Variants in GREB1L observed in about 807,000 individuals in gnomAD.
GREB1L encodes GREB1-like protein.
A neutral mutation model predicts 200.8 loss-of-function variants in GREB1L; 17 were observed. The ratio of observed to expected loss-of-function variants is 0.08; its 90% CI spans 0.06 to 0.13. The LOEUF is 0.13. Among genes scored for constraint, GREB1L ranks in the 10% least tolerant of loss-of-function variants. The pLI is 1.00. For missense variants in GREB1L, 1,657 were observed against 2,367.7 expected (o/e 0.70, Z 6.23); for synonymous variants, 789 against 893.0 (o/e 0.88, Z 2.08).
chr18:21,522,492 A>G (rs954542312), intron 32 of GREB1L, among the ~76,000 whole-genome samples, 166 bp from the exon 33 acceptor site: 1 of 152,192 alleles, frequency 6.6e-6, no homozygotes, highest in African/African-American at 2.4e-5. Context: ...AACAAAAAAA[A>G]TTACTGAATT....
chr18:21,448,188 A>G (rs2034335545), intron 11 of GREB1L, among the ~76,000 whole-genome samples: 1 of 149,886 alleles, frequency 6.7e-6, no homozygotes, highest in Admixed American at 6.6e-5. Context: ...CAGCAGCAGC[A>G]TAGAAGAAAC....
chr18:21,315,383 G>A (rs747956438), intron 1 of GREB1L, among the ~76,000 whole-genome samples: 1 of 152,132 alleles, frequency 6.6e-6, no homozygotes, highest in East Asian at 1.9e-4. Context: ...GAGCTACCAC[G>A]CCCAGCTTAG....
At chr18:21,377,127 A>G (rs1374138460) in intron 2 of GREB1L, among the ~76,000 whole-genome samples, 1 of 152,050 alleles carries the variant, frequency 6.6e-6, no homozygotes, top group Non-Finnish European at 1.5e-5. Flanking sequence ...AACCACCACA[A>G]CATTGTGGTT....
At chr18:21,296,395 T>TA (rs2038528132) in intron 1 of GREB1L, among the ~76,000 whole-genome samples, 1 of 152,060 alleles carries the variant, frequency 6.6e-6, no homozygotes, top group South Asian at 2.1e-4. Context: ...CACACAGACA[T>TA]AAAGATGGAA....
chr18:21,259,982 A>T (rs1354985560), intron 1 of GREB1L, among the ~76,000 whole-genome samples: 2 of 151,826 alleles, frequency 1.3e-5, no homozygotes. Context: ...TGTTCTTTAT[A>T]TAGAAATTTA....
At chr18:21,416,773 C>T (rs770672509) in intron 7 of GREB1L, among the ~76,000 whole-genome samples, 33 of 151,708 alleles carry the variant, frequency 2.2e-4, no homozygotes, top group Non-Finnish European at 3.4e-4. Flanking sequence ...TGCCTGTACT[C>T]CCAGCACTTT....
At chr18:21,343,285 C>A (rs985461287) in intron 1 of GREB1L, among the ~76,000 whole-genome samples, 10 of 152,178 alleles carry the variant, frequency 6.6e-5, no homozygotes, top group African/African-American at 2.4e-4. Flanking sequence ...AACCTTGTAT[C>A]TGATAAAATG....
chr18:21,483,840 G>A (rs1373731493), intron 17 of GREB1L, among the ~76,000 whole-genome samples: 5 of 151,910 alleles, frequency 3.3e-5, no homozygotes, highest in South Asian at 2.1e-4. Flanking sequence ...GCTGGGTGTG[G>A]TGGTACATGC....
At chr18:21,291,132 G>C (rs1047295443) in intron 1 of GREB1L, among the ~76,000 whole-genome samples, 2 of 152,036 alleles carry the variant, frequency 1.3e-5, no homozygotes, top group African/African-American at 4.8e-5. Flanking sequence ...ATCACAATCT[G>C]GCCCTGTTTC....
chr18:21,494,152 G>C (rs2036453979), intron 19 of GREB1L, among the ~76,000 whole-genome samples: 1 of 152,080 alleles, frequency 6.6e-6, no homozygotes, highest in South Asian at 2.1e-4. Flanking sequence ...TTTTTACAGA[G>C]AATTTTTCTT....
At chr18:21,383,931 G>C (rs1277752512) in intron 3 of GREB1L, among the ~76,000 whole-genome samples, 3 of 151,970 alleles carry the variant, frequency 2.0e-5, no homozygotes, top group Admixed American at 1.3e-4. Flanking sequence ...GGTCAGGCTG[G>C]TCTTGAACTC....
chr18:21,519,169 A>G (rs2037526825), intron 31 of GREB1L, among the ~76,000 whole-genome samples: 1 of 152,216 alleles, frequency 6.6e-6, no homozygotes, highest in Non-Finnish European at 1.5e-5. Context: ...CTTAAAAACC[A>G]TCAGATATAA....
chr18:21,339,236 CA>C (rs1157239959), intron 1 of GREB1L, among the ~76,000 whole-genome samples: 1 of 151,746 alleles, frequency 6.6e-6, no homozygotes, highest in Non-Finnish European at 1.5e-5. Flanking sequence ...TTAAAAGGCA[CA>C]TAGTGGAGTC....
chr18:21,342,007 A>T (rs1324979632), intron 1 of GREB1L, among the ~76,000 whole-genome samples: 1 of 152,182 alleles, frequency 6.6e-6, no homozygotes, highest in Non-Finnish European at 1.5e-5. Flanking sequence ...TAATTTCCTG[A>T]AAATAGAAAT....
intron 1 of GREB1L, among the ~76,000 whole-genome samples, chr18:21,268,081 G>A (rs1420014271): frequency 6.6e-6 from 1 of 152,004 alleles, no homozygotes; most frequent in African/African-American, 2.4e-5. Context: ...TTGAGAACTA[G>A]GACTAAAGGA....
In GREB1L at chr18:21,401,335, T is replaced by C; in HGVS notation, c.709+9T>C. 1 of 1,544,546 alleles carries C rather than the reference T, an allele frequency of 6.5e-7. No individual in the cohort carries two copies. Among genetic ancestry groups the C allele is most frequent in the Non-Finnish European group, 8.7e-7 (1 of 1,143,046 alleles). On this transcript the variant is annotated intron_variant, in intron 6 of 32. Coordinates refer to ENST00000424526, the MANE Select transcript of GREB1L (RefSeq NM_001142966.3). ...TCTTATCTGCTGGAAAGGTAGTCAA[T>C]TTCCAGGAAGAAAAGGGGAGGGAAT...
At chr18:21,325,615 GAC>G (rs1174746735) in intron 1 of GREB1L, among the ~76,000 whole-genome samples, 2 of 151,854 alleles carry the variant, frequency 1.3e-5, no homozygotes, top group East Asian at 3.9e-4. Flanking sequence ...AGGAGTTTGA[GAC>G]AAACCTGGGC....
intron 7 of GREB1L, among the ~76,000 whole-genome samples, chr18:21,428,206 A>G (rs2032781896): frequency 7.7e-6 from 1 of 129,530 alleles, no homozygotes; most frequent in Non-Finnish European, 1.5e-5. Flanking sequence ...CAAAAAAAAA[A>G]AAAAAAAAAA....
intron 1 of GREB1L, among the ~76,000 whole-genome samples, chr18:21,291,211 C>T (rs2144585751): frequency 6.6e-6 from 1 of 152,222 alleles, no homozygotes; most frequent in Non-Finnish European, 1.5e-5. Flanking sequence ...GTTCCTGAAA[C>T]CCAAGCATTC....
Sources: allele counts gnomAD v4.1 joint callset (sites outside exome capture counted in the v4.1 genomes callset), GRCh38; gene constraint gnomAD v4.1.1; transcripts MANE v1.5; gene names NCBI Gene and HGNC (gene_info 2026-07-23, HGNC 2026-07-21).